The following ATXN2 variants were observed in gnomAD, a reference collection of about 807,000 sequenced individuals.
ATXN2 encodes ataxin 2, also known as ataxin-2.
ATXN2 carries 37 observed loss-of-function variants against 138.6 expected under a neutral mutation model. That is an observed-to-expected ratio of 0.27 (90% confidence interval 0.21 to 0.35). The LOEUF is 0.35. Among genes scored for constraint, ATXN2 ranks in the 10% least tolerant of loss-of-function variants. The pLI is 1.00. For missense variants in ATXN2, 1,216 were observed against 1,480.3 expected, an observed-to-expected ratio of 0.82 and a Z score of 2.93; for synonymous variants, 549 against 543.7, an observed-to-expected ratio of 1.01 and a Z score of -0.13.
At position 111,552,323 on chromosome 12, in the gene ATXN2, A is replaced by C; in HGVS notation, c.528T>G (p.Val176=). Residue 176 remains valine (V), a synonymous_variant, in exon 5 of 25, where the codon GTT becomes GTG. Coordinates refer to ENST00000673436, the MANE Select transcript of ATXN2 (RefSeq NM_001372574.1). This position sits in a 1 kb window ranked among gnomAD's most constrained non-coding sequence, Gnocchi z 4.1. ...ESILFKCSDF[V]VVQFKDMDSS... The stretch of plus-strand genomic sequence containing the variant: ...AGTCCATATCTTTAAACTGTACCAC[A>C]ACAAAGTCTGAACATTTGAACAAAA... The C allele has an allele frequency of 6.2e-7, 1 of 1,613,472 alleles. No individual in the cohort carries two copies. Among genetic ancestry groups the C allele is most frequent in the Non-Finnish European group, 8.5e-7 (1 of 1,179,766 alleles).
intron 14 of ATXN2, among the ~76,000 whole-genome samples, chr12:111,490,866 A>G (rs944026025): frequency 6.6e-6 from 1 of 152,112 alleles, no homozygotes; most frequent in Non-Finnish European, 1.5e-5. Context: ...GCCCTGTCAC[A>G]GTGGAAAGCA....
At chr12:111,588,703 C>G (rs554715772) in intron 1 of ATXN2, among the ~76,000 whole-genome samples, 50 of 151,792 alleles carry the variant, frequency 3.3e-4, no homozygotes, top group African/African-American at 1.1e-3. Flanking sequence ...AAAAAAATAC[C>G]AAACCAGGCC....
intron 1 of ATXN2, among the ~76,000 whole-genome samples, chr12:111,586,567 T>C (rs1884352877): frequency 6.6e-6 from 1 of 151,930 alleles, no homozygotes; most frequent in African/African-American, 2.4e-5. Flanking sequence ...TTTGTATTTT[T>C]AGTAGAGATG....
At position 111,598,415 on chromosome 12, in the gene ATXN2, G is replaced by A. The variant is rs1290207535; in HGVS notation, c.251+369C>T. The A allele has an allele frequency of 1.0e-6, 1 of 985,702 alleles. No individual in the cohort carries two copies. Among genetic ancestry groups the A allele is most frequent in the Non-Finnish European group, 1.2e-6 (1 of 830,174 alleles). 61.1% of individuals were successfully genotyped at this position (985,702 alleles called of 1,614,324 possible). Reference sequence around the variant, plus strand: ...CACCTAAACCGGGAGTGGAGGAGCTGCCCGAGCATCCCCACGCTGCGGGCG... The same window carrying A: ...CACCTAAACCGGGAGTGGAGGAGCTACCCGAGCATCCCCACGCTGCGGGCG... On this transcript the variant is annotated intron_variant, in intron 1 of 24. Coordinates refer to ENST00000673436, the MANE Select transcript of ATXN2 (RefSeq NM_001372574.1). This position sits in a 1 kb window ranked among gnomAD's most constrained non-coding sequence, Gnocchi z 4.5.
intron 14 of ATXN2, among the ~76,000 whole-genome samples, chr12:111,508,596 G>A (rs750854573): frequency 1.3e-5 from 2 of 151,384 alleles, no homozygotes; most frequent in Admixed American, 6.6e-5. Context: ...ACAAGTGTGC[G>A]CCACCATGCC....
chr12:111,554,532 CAT>C (rs1441874526), intron 2 of ATXN2, among the ~76,000 whole-genome samples: 1 of 152,022 alleles, frequency 6.6e-6, no homozygotes, highest in Non-Finnish European at 1.5e-5. Flanking sequence ...ATTTTGCTTC[CAT>C]AGAGAACAGA....
Position 111,552,668 on chromosome 12 carries a change from G to A in ATXN2, c.420+238C>T, listed in dbSNP as rs781063515. 1 of 566,220 alleles carries A rather than the reference G, an allele frequency of 1.8e-6. No homozygotes were observed. Among genetic ancestry groups the A allele is most frequent in the Non-Finnish European group, 2.9e-6 (1 of 344,098 alleles). 35.1% of individuals were successfully genotyped at this position (566,220 alleles called of 1,614,324 possible). A position where few individuals can be genotyped will look rare whatever the true frequency, so the allele number is the denominator to read the frequency against. ...TAAGTACATTAATAATAATTTTTAA[G>A]AGGAAAAAACAAACCACCACATCCC... is the stretch of plus-strand genomic sequence containing the variant. On this transcript the variant is annotated intron_variant, in intron 4 of 24. Transcript: ENST00000673436. This position sits in a 1 kb window ranked among gnomAD's most constrained non-coding sequence, Gnocchi z 4.1.
At chr12:111,581,777 C>G in intron 1 of ATXN2, 1 of 569,270 alleles carries the variant, frequency 1.8e-6, no homozygotes, top group Non-Finnish European at 3.3e-6. Context: ...AGTCTATCAA[C>G]AGATCAGGAG....
chr12:111,470,758 C>G lies in ATXN2; in HGVS notation c.2525-16G>C, dbSNP rs758963066. 6 of 1,613,330 alleles carry G rather than the reference C, an allele frequency of 3.7e-6. No individual in the cohort carries two copies. The South Asian group carries it at 6.6e-5, about 18-fold the overall frequency. ...ATATTTGGTACTGCAGAAAAAAAAG[C>G]AGACTGCCTATTAAACAGTATCTCC... On this transcript the variant is annotated splice_polypyrimidine_tract_variant and intron_variant, in intron 18 of 24. Coordinates refer to ENST00000673436, the MANE Select transcript of ATXN2 (RefSeq NM_001372574.1).
chr12:111,474,816 G>A (rs533023304), intron 18 of ATXN2, among the ~76,000 whole-genome samples: 1 of 152,288 alleles, frequency 6.6e-6, no homozygotes, highest in African/African-American at 2.4e-5. Context: ...GAGAGCGATG[G>A]CTCACACCTG....
chr12:111,558,027 T>C (rs1882480529), intron 1 of ATXN2, among the ~76,000 whole-genome samples: 1 of 152,198 alleles, frequency 6.6e-6, no homozygotes, highest in South Asian at 2.1e-4. Context: ...AGTGATTATG[T>C]GGTTACATCT....
chr12:111,531,010 C>A (rs1002763760), intron 5 of ATXN2, among the ~76,000 whole-genome samples: 1 of 151,930 alleles, frequency 6.6e-6, no homozygotes, highest in Non-Finnish European at 1.5e-5. Flanking sequence ...CCCAGCTGCT[C>A]GGGAGGCTGA....
chr12:111,479,469 C>T (rs1261506309), intron 18 of ATXN2, among the ~76,000 whole-genome samples: 1 of 150,202 alleles, frequency 6.7e-6, no homozygotes, highest in East Asian at 2.0e-4. Flanking sequence ...GTAATCCCAG[C>T]TACTTGGGAG....
intron 1 of ATXN2, among the ~76,000 whole-genome samples, chr12:111,569,016 G>A (rs185338676): frequency 1.5e-5 from 2 of 134,164 alleles, no homozygotes; most frequent in Non-Finnish European, 3.1e-5. Context: ...GTTTTGTTTT[G>A]TTTTTAGGAA....
At position 111,483,522 on chromosome 12, in the gene ATXN2, G is replaced by C. The variant is rs1219072009; in HGVS notation, c.2524+1743C>G. 1.2e-4 allele frequency among the ~76,000 whole-genome samples: 16 copies of C among 138,384 alleles called. No homozygotes were observed. The East Asian group carries it at 2.8e-3, about 24-fold the overall frequency. 90.8% of individuals were successfully genotyped at this position (138,384 alleles called of 152,430 possible). On this transcript the variant is annotated intron_variant, in intron 18 of 24. Transcript: ENST00000673436. ...CAGGCACGCACCACCATGCCCAGCT[G>C]ATCTTTGTATTTTTAGTAGAGACGG...
Position 111,510,389 on chromosome 12 carries a change from A to C in ATXN2, c.1752T>G (p.Ser584Arg). Residue 584 changes from serine (S) to arginine (R), a missense_variant, in exon 12 of 25, where the codon AGT becomes AGG. By Grantham distance (110) the Ser-to-Arg change is moderately radical. This residue lies in a region of ATXN2 where 215 missense variants were observed against 210.0 expected (regional missense o/e 1.02). Coordinates refer to ENST00000673436, the MANE Select transcript of ATXN2 (RefSeq NM_001372574.1). ...CAGAAGCCCTTTGTTACATACCCTC[A>C]CTAGAAGGGGTAACAGCTCTGTTCG... is the stretch of plus-strand genomic sequence containing the variant. ...PASNRAVTPS[S>R]EAKDSRLQDQ... 1 of 1,613,870 alleles carries C rather than the reference A, an allele frequency of 6.2e-7. No individual in the cohort carries two copies. Among genetic ancestry groups the C allele is most frequent in the Non-Finnish European group, 8.5e-7 (1 of 1,179,842 alleles).
At chr12:111,503,588 A>AT (rs550067549) in intron 14 of ATXN2, among the ~76,000 whole-genome samples, 11 of 149,320 alleles carry the variant, frequency 7.4e-5, no homozygotes, top group Admixed American at 2.0e-4. Flanking sequence ...TGGGACACAT[A>AT]TTTTTTTTTT....
intron 1 of ATXN2, among the ~76,000 whole-genome samples, chr12:111,592,585 C>T (rs1884724110): frequency 1.3e-5 from 2 of 151,334 alleles, no homozygotes; most frequent in South Asian, 2.1e-4. Context: ...GAGTTTGAGA[C>T]CATTCTAGCC....
chr12:111,581,191 T>C (rs1378895009), intron 1 of ATXN2, among the ~76,000 whole-genome samples: 2 of 150,062 alleles, frequency 1.3e-5, no homozygotes, highest in Non-Finnish European at 3.0e-5. Flanking sequence ...CAGATTCTAA[T>C]GCCAGTTATG....
Sources: allele counts gnomAD v4.1 joint callset (sites outside exome capture counted in the v4.1 genomes callset), GRCh38; gene constraint gnomAD v4.1.1; regional missense constraint gnomAD v4.1.1; non-coding constraint Gnocchi (gnomAD v3.1); transcripts MANE v1.5; gene names NCBI Gene and HGNC (gene_info 2026-07-23, HGNC 2026-07-21).